TLL1: variants seen among roughly 807,000 people sequenced by gnomAD.
TLL1 encodes tolloid like 1.
TLL1 carries 49 observed loss-of-function variants against 128.2 expected under a neutral mutation model. The observed-to-expected ratio is 0.38, with a 90% CI of 0.30 to 0.48. TLL1 has a LOEUF of 0.48. Among genes scored for constraint, TLL1 ranks in the 20% least tolerant of loss-of-function variants. The probability of loss-of-function intolerance (pLI) is 0.96; values close to 1 mark genes in which losing one functional copy is unlikely to be tolerated. For synonymous variants in TLL1, 454 were observed against 418.8 expected, an observed-to-expected ratio of 1.08 and a Z score of -1.03; for missense variants, 1,123 against 1,242.0, an observed-to-expected ratio of 0.90 and a Z score of 1.44.
At chr4:166,073,644 G>C (rs890945098) in intron 16 of TLL1, among the ~76,000 whole-genome samples, 2 of 152,048 alleles carry the variant, frequency 1.3e-5, no homozygotes. Flanking sequence ...AAAATATTCA[G>C]ATATTGCCAA....
At chr4:165,919,939 T>C in intron 1 of TLL1, 2 of 423,784 alleles carry the variant, frequency 4.7e-6, no homozygotes, top group Admixed American at 2.7e-5. Flanking sequence ...TCAGAGTCAA[T>C]GTAAGTGACT....
intron 1 of TLL1, among the ~76,000 whole-genome samples, chr4:165,938,360 C>T (rs972518490): frequency 3.9e-5 from 6 of 152,098 alleles, no homozygotes; most frequent in African/African-American, 1.2e-4. Flanking sequence ...GTTTCTCAAA[C>T]AGGTGCCTTA....
chr4:166,064,109 A>T (rs1042465173), intron 15 of TLL1, among the ~76,000 whole-genome samples: 33 of 152,124 alleles, frequency 2.2e-4, no homozygotes, highest in African/African-American at 7.2e-4. Context: ...TTTTATAATG[A>T]GAAAGACTGC....
At chr4:165,940,943 G>T (rs1187964319) in intron 1 of TLL1, among the ~76,000 whole-genome samples, 2 of 151,904 alleles carry the variant, frequency 1.3e-5, no homozygotes, top group African/African-American at 4.8e-5. Flanking sequence ...CCATACATTT[G>T]CTCAACTCTG....
At chr4:165,921,403 C>T (rs1202037898) in intron 1 of TLL1, among the ~76,000 whole-genome samples, 1 of 152,150 alleles carries the variant, frequency 6.6e-6, no homozygotes, top group African/African-American at 2.4e-5. Flanking sequence ...TGCAAAATAG[C>T]TTCAGTTACC....
intron 1 of TLL1, among the ~76,000 whole-genome samples, chr4:165,928,968 G>C (rs1430981447): frequency 6.6e-6 from 1 of 152,114 alleles, no homozygotes; most frequent in Non-Finnish European, 1.5e-5. Flanking sequence ...CAGTGGATTT[G>C]GGTAATTAAA....
intron 1 of TLL1, among the ~76,000 whole-genome samples, chr4:165,895,311 G>T (rs947595966): frequency 3.9e-5 from 6 of 152,050 alleles, no homozygotes; most frequent in Admixed American, 3.9e-4. Flanking sequence ...TAAGATTTCA[G>T]GATATATGAT....
intron 1 of TLL1, among the ~76,000 whole-genome samples, chr4:165,963,054 CAAAAAAAAAAAAAAA>C (rs869191830): frequency 5.5e-5 from 1 of 18,336 alleles, no homozygotes; most frequent in African/African-American, 1.4e-4. Context: ...GGCTCTGTCT[CAAAAAAAAAAAAAAA>C]AAAAAAAAAA....
chr4:165,901,768 T>A (rs192417328), intron 1 of TLL1, among the ~76,000 whole-genome samples: 1 of 152,154 alleles, frequency 6.6e-6, no homozygotes, highest in Admixed American at 6.5e-5. Flanking sequence ...AGAGCTGGAG[T>A]GCTGTTCTGG....
intron 12 of TLL1, among the ~76,000 whole-genome samples, chr4:166,046,565 A>G (rs1174795919): frequency 6.6e-6 from 1 of 152,224 alleles, no homozygotes; most frequent in Admixed American, 6.5e-5. Flanking sequence ...TAATATTTGC[A>G]GTGCCTTCTA....
intron 5 of TLL1, among the ~76,000 whole-genome samples, chr4:165,995,404 T>C (rs1736830858): frequency 6.6e-6 from 1 of 152,162 alleles, no homozygotes; most frequent in Non-Finnish European, 1.5e-5. Flanking sequence ...TCAGTTACTT[T>C]CTAACAATGA....
At chr4:165,948,992 A>G (rs1161239664) in intron 1 of TLL1, among the ~76,000 whole-genome samples, 1 of 152,156 alleles carries the variant, frequency 6.6e-6, no homozygotes, top group Non-Finnish European at 1.5e-5. Context: ...CTTTTCAGAT[A>G]TAATTAAGAT....
chr4:166,013,786 A>G (rs1457703944), intron 7 of TLL1, among the ~76,000 whole-genome samples: 1 of 151,846 alleles, frequency 6.6e-6, no homozygotes, highest in Non-Finnish European at 1.5e-5. Context: ...ACAACTCACT[A>G]TCTGTAGTTT....
At chr4:166,036,021 CT>C (rs1738981597) in intron 9 of TLL1, among the ~76,000 whole-genome samples, 1 of 152,116 alleles carries the variant, frequency 6.6e-6, no homozygotes, top group African/African-American at 2.4e-5. Context: ...TATCTTGCTG[CT>C]TTTTCAGTCT....
At chr4:165,888,801 A>C (rs1355537493) in intron 1 of TLL1, among the ~76,000 whole-genome samples, 1 of 152,032 alleles carries the variant, frequency 6.6e-6, no homozygotes, top group Non-Finnish European at 1.5e-5. Flanking sequence ...TCTTCCTTAT[A>C]CTTAGAAGCC....
At chr4:166,023,330 G>A (rs571004758) in intron 8 of TLL1, among the ~76,000 whole-genome samples, 2 of 152,260 alleles carry the variant, frequency 1.3e-5, no homozygotes, top group South Asian at 2.1e-4. Flanking sequence ...AACCTGGGAG[G>A]TGGAGGTTGC....
At position 166,101,961 on chromosome 4, in the gene TLL1, ACTT is replaced by A. The variant is rs1194162929; in HGVS notation, c.*1089_*1091del. ...GAAAAAAAAGATTTGTTTCTGAAAG[ACTT>A]CTTATGGTGCTATTCCATAAACTTT... On this transcript the variant is annotated 3_prime_UTR_variant, in exon 21 of 21. Coordinates refer to ENST00000061240, the MANE Select transcript of TLL1 (RefSeq NM_012464.5). The A allele has an allele frequency of 6.6e-6, 1 of 152,372 alleles. No individual in the cohort carries two copies. The highest frequency in any genetic ancestry group is 1.5e-5 in the Non-Finnish European group (1 of 67,954). 9.4% of individuals were successfully genotyped at this position (152,372 alleles called of 1,614,324 possible). A position where few individuals can be genotyped will look rare whatever the true frequency, so the allele number is the denominator to read the frequency against.
intron 1 of TLL1, among the ~76,000 whole-genome samples, chr4:165,884,045 C>G (rs1731075088): frequency 6.6e-6 from 1 of 152,158 alleles, no homozygotes; most frequent in Non-Finnish European, 1.5e-5. Flanking sequence ...TTACACAGAG[C>G]TAAGTTTGAG....
chr4:165,927,534 T>C (rs1233143868), intron 1 of TLL1, among the ~76,000 whole-genome samples: 1 of 152,224 alleles, frequency 6.6e-6, no homozygotes, highest in Non-Finnish European at 1.5e-5. Flanking sequence ...CTGGCTTCTA[T>C]GCTTAATATG....
Sources: gnomAD v4.1 joint callset for allele counts (sites outside exome capture counted in the v4.1 genomes callset) on GRCh38, gnomAD v4.1.1 for gene constraint, MANE v1.5 for transcripts, NCBI Gene and HGNC (gene_info 2026-07-23, HGNC 2026-07-21) for gene names.